Variants in TENM3 observed in about 807,000 individuals in gnomAD.
TENM3 encodes teneurin-3.
In TENM3, 63 loss-of-function variants were observed where a neutral mutation model predicts 255.1. That is an observed-to-expected ratio of 0.25 (90% confidence interval 0.20 to 0.30). TENM3 has a LOEUF of 0.30. Among genes scored for constraint, TENM3 ranks in the 10% least tolerant of loss-of-function variants. TENM3 has a pLI of 1.00. For synonymous variants in TENM3, 1,306 were observed against 1,322.3 expected (o/e 0.99, Z 0.27); for missense variants, 2,929 against 3,461.1 (o/e 0.85, Z 3.86).
At chr4:181,831,598 T>C in the TENM3 span, among the ~76,000 whole-genome samples, 2 of 152,066 alleles carry the variant, frequency 1.3e-5, no homozygotes, top group African/African-American at 4.8e-5. Flanking sequence ...CTAGTCTTTT[T>C]AAAAGATCAC....
intron 3 of TENM3, 54 bp downstream of exon 3, chr4:182,346,983 T>G: frequency 1.3e-5 from 16 of 1,208,404 alleles, no homozygotes; most frequent in Non-Finnish European, 1.7e-5. Context: ...CTGTCTGTTT[T>G]GGTTGACTCC....
intron 1 of TENM3, among the ~76,000 whole-genome samples, chr4:182,210,618 G>GTTTTTTTTTTTT: frequency 7.6e-6 from 1 of 132,288 alleles, no homozygotes; most frequent in Non-Finnish European, 1.6e-5. Flanking sequence ...CCCCTCTCTA[G>GTTTTTTTTTTTT]TTTTTTTTTT....
chr4:181,698,213 CAAA>C, the TENM3 span, among the ~76,000 whole-genome samples: 21 of 119,478 alleles, frequency 1.8e-4, no homozygotes, highest in Admixed American at 1.7e-4. Context: ...GACTCTGTCT[CAAA>C]AAAAAAAAAA....
At chr4:181,780,058 C>T in the TENM3 span, among the ~76,000 whole-genome samples, 1 of 152,176 alleles carries the variant, frequency 6.6e-6, no homozygotes, top group African/African-American at 2.4e-5. Context: ...TGGGTTGGTT[C>T]CAAGTCTTTG....
chr4:181,449,598 A>C, the TENM3 span, among the ~76,000 whole-genome samples: 2 of 152,182 alleles, frequency 1.3e-5, no homozygotes, highest in African/African-American at 4.8e-5. Context: ...AGCCTGGCCA[A>C]TGTAGTGAAA....
chr4:181,602,637 T>C, the TENM3 span, among the ~76,000 whole-genome samples: 1 of 152,152 alleles, frequency 6.6e-6, no homozygotes, highest in Non-Finnish European at 1.5e-5. Context: ...TAAGAAGAAA[T>C]AGGCAGGGAA....
At chr4:181,557,293 T>C in the TENM3 span, among the ~76,000 whole-genome samples, 1 of 152,146 alleles carries the variant, frequency 6.6e-6, no homozygotes, top group Non-Finnish European at 1.5e-5. Flanking sequence ...TAGAAGATGA[T>C]GGATATATTT....
intron 3 of TENM3, among the ~76,000 whole-genome samples, chr4:182,420,658 G>T (rs1770762091): frequency 1.3e-5 from 2 of 152,310 alleles, no homozygotes; most frequent in Non-Finnish European, 2.9e-5. Context: ...AACTCTGGCT[G>T]CTGTGGGGGC....
At chr4:181,964,245 C>G in the TENM3 span, among the ~76,000 whole-genome samples, 1 of 152,044 alleles carries the variant, frequency 6.6e-6, no homozygotes, top group African/African-American at 2.4e-5. Flanking sequence ...CACCTAGACA[C>G]AGCCTCTCAG....
At chr4:182,188,846 T>C (rs368957805) in intron 1 of TENM3, among the ~76,000 whole-genome samples, 5 of 152,212 alleles carry the variant, frequency 3.3e-5, no homozygotes, top group African/African-American at 9.6e-5. Context: ...GAACATGTAC[T>C]GACTGACTCA....
intron 3 of TENM3, among the ~76,000 whole-genome samples, chr4:182,361,481 C>A (rs1470996504): frequency 1.3e-5 from 2 of 152,174 alleles, no homozygotes; most frequent in African/African-American, 2.4e-5. Context: ...CATCTTCTAT[C>A]CCTGATACCC....
At chr4:182,105,869 T>C in the TENM3 span, among the ~76,000 whole-genome samples, 21,620 of 152,220 alleles carry the variant, frequency 0.14, 1,647 homozygotes, top group South Asian at 0.19. Flanking sequence ...AGGAATTACT[T>C]AATAGGTACA....
At chr4:182,028,501 A>G in the TENM3 span, among the ~76,000 whole-genome samples, 4 of 151,630 alleles carry the variant, frequency 2.6e-5, no homozygotes, top group African/African-American at 9.7e-5. Flanking sequence ...GGTTTGGCTT[A>G]CTCTTGCTTT....
chr4:182,773,454 A>C lies in TENM3; in HGVS notation c.4893-18A>C. ...GCAGTTTCCTATTTAACACCAAGTTAATGCCTCTTGTATTTAGCTATGACA... is the reference window on the plus strand; with the variant it reads ...GCAGTTTCCTATTTAACACCAAGTTCATGCCTCTTGTATTTAGCTATGACA... On this transcript the variant is annotated intron_variant, in intron 22 of 27. Coordinates refer to ENST00000511685, the MANE Select transcript of TENM3 (RefSeq NM_001080477.4). 1 of 1,588,074 alleles carries C rather than the reference A, an allele frequency of 6.3e-7. No individual in the cohort carries two copies. Among genetic ancestry groups the C allele is most frequent in the Non-Finnish European group, 8.6e-7 (1 of 1,165,998 alleles).
chr4:181,605,240 T>C, the TENM3 span, among the ~76,000 whole-genome samples: 1 of 151,584 alleles, frequency 6.6e-6, no homozygotes. Context: ...GGTTAGGAGA[T>C]AGTGACCATC....
At chr4:182,510,397 A>G (rs570658988) in intron 3 of TENM3, among the ~76,000 whole-genome samples, 1 of 152,226 alleles carries the variant, frequency 6.6e-6, no homozygotes, top group Non-Finnish European at 1.5e-5. Flanking sequence ...GCTCCTTTAC[A>G]ATGTGATTAT....
rs1435675647 is a variant in TENM3 at position 182,440,194 on chromosome 4, C to G, written c.511+93265C>G. On this transcript the variant is annotated intron_variant, in intron 3 of 27. Transcript: ENST00000511685. ...GCCGTGCGATCTCGGCTCACTGCAA[C>G]CTCCGCCTCTCGGGTTCAAGCGATT... Among the ~76,000 whole-genome samples, 7 of 146,936 alleles carry G rather than the reference C, an allele frequency of 4.8e-5. No homozygotes were observed. The East Asian group carries it at 1.4e-3, about 30-fold the overall frequency.
chr4:181,516,509 G>A, the TENM3 span, among the ~76,000 whole-genome samples: 12 of 151,992 alleles, frequency 7.9e-5, no homozygotes, highest in African/African-American at 1.2e-4. Flanking sequence ...GGGTGGGCGC[G>A]GTGGCTCACA....
intron 3 of TENM3, among the ~76,000 whole-genome samples, chr4:182,413,081 A>C (rs1277066373): frequency 6.6e-6 from 1 of 152,030 alleles, no homozygotes; most frequent in East Asian, 1.9e-4. Context: ...GAAAATGAAA[A>C]GATTGAAAAA....
Sources: gnomAD v4.1 joint callset for allele counts (sites outside exome capture counted in the v4.1 genomes callset) on GRCh38, gnomAD v4.1.1 for gene constraint, MANE v1.5 for transcripts, NCBI Gene and HGNC (gene_info 2026-07-23, HGNC 2026-07-21) for gene names.